The following ITPRID1 variants were observed in gnomAD, a reference collection of about 807,000 sequenced individuals.
The protein encoded by ITPRID1 is protein ITPRID1.
Under a neutral mutation model 95.4 loss-of-function variants are expected in ITPRID1, and 96 were observed. The observed-to-expected ratio is 1.01, with a 90% CI of 0.85 to 1.19. The LOEUF (loss-of-function observed/expected upper bound fraction) is 1.19, where lower values mean the gene tolerates loss of function less well. Among genes scored for constraint, ITPRID1 ranks in the 50% most tolerant of loss-of-function variants. The pLI, the probability that ITPRID1 is intolerant of heterozygous loss-of-function variation, is 0.00. For synonymous variants in ITPRID1, 510 were observed against 453.6 expected (o/e 1.12, Z -1.58); for missense variants, 1,339 against 1,252.9 (o/e 1.07, Z -1.04).
rs1184356497 is a variant in ITPRID1 at position 31,654,422 on chromosome 7, T to C, written c.*1593T>C. The stretch of plus-strand genomic sequence containing the variant: ...CCAAGTCTTTGCATCTGAATCCTTT[T>C]TCCAAGGGTAATGGAAAGCCACTGT... On this transcript the variant is annotated 3_prime_UTR_variant, in exon 15 of 15. Coordinates refer to ENST00000615280, the MANE Select transcript of ITPRID1 (RefSeq NM_001257967.3). 6.6e-6 allele frequency among the ~76,000 whole-genome samples: 1 copy of C among 152,174 alleles called. No homozygotes were observed. Among genetic ancestry groups the C allele is most frequent in the Non-Finnish European group, 1.5e-5 (1 of 68,038 alleles).
rs992180029 is a variant in ITPRID1, at chr7:31,617,992, A to T, written c.1229-24184A>T. On this transcript the variant is annotated intron_variant, in intron 10 of 14. Transcript: ENST00000615280. ...GCACACATATTGATTGTCATTAGAT[A>T]AACTGTTTATGCTGTCAGAGCGTTT... Among the ~76,000 whole-genome samples, 10 of 152,204 alleles carry T rather than the reference A, an allele frequency of 6.6e-5. No homozygotes were observed. The South Asian group carries it at 8.3e-4, about 13-fold the overall frequency.
rs760538337 is a variant in ITPRID1 at position 31,651,247 on chromosome 7, A to G, written c.2689A>G (p.Arg897Gly). The change falls in exon 13 of 15, where the codon AGG (arginine) becomes GGG (glycine). Residue 897 changes from arginine to glycine, a missense_variant. Coordinates refer to ENST00000615280, the MANE Select transcript of ITPRID1 (RefSeq NM_001257967.3). ...HLMGQQALFS[R>G]DMSEEEREEA... Reference sequence around the variant, plus strand: ...TATGGGACAGCAGGCCCTCTTTTCCAGGGACATGTCAGAGGAGGAAAGGTA... The same window carrying G: ...TATGGGACAGCAGGCCCTCTTTTCCGGGGACATGTCAGAGGAGGAAAGGTA... The G allele has an allele frequency of 6.2e-7, 1 of 1,613,348 alleles. No homozygotes were observed. The highest frequency in any genetic ancestry group is 8.5e-7 in the Non-Finnish European group (1 of 1,179,482).
chr7:31,550,696 T>G (rs950554778), intron 2 of ITPRID1, among the ~76,000 whole-genome samples: 2 of 144,842 alleles, frequency 1.4e-5, no homozygotes, highest in Non-Finnish European at 3.1e-5. Context: ...CCCTGACCCT[T>G]GCTTTTAGCA....
intron 1 of ITPRID1, among the ~76,000 whole-genome samples, chr7:31,515,106 T>A (rs1490247954): frequency 6.6e-6 from 1 of 151,984 alleles, no homozygotes; most frequent in Non-Finnish European, 1.5e-5. Flanking sequence ...CCAGACCATT[T>A]TCCTAACTCC....
intron 12 of ITPRID1, among the ~76,000 whole-genome samples, chr7:31,649,097 G>A (rs1289371730): frequency 6.6e-6 from 1 of 152,180 alleles, no homozygotes; most frequent in Non-Finnish European, 1.5e-5. Context: ...TTGCAAAATT[G>A]ATGCAAGAGC....
chr7:31,558,120 C>T (rs1784510614), intron 5 of ITPRID1, among the ~76,000 whole-genome samples: 1 of 146,126 alleles, frequency 6.8e-6, no homozygotes, highest in Non-Finnish European at 1.5e-5. Flanking sequence ...GGTTTGGTCC[C>T]CATTTTCTCT....
At chr7:31,552,285 A>G (rs890279112) in intron 2 of ITPRID1, among the ~76,000 whole-genome samples, 6 of 114,516 alleles carry the variant, frequency 5.2e-5, no homozygotes, top group Admixed American at 2.7e-4. Flanking sequence ...CTTGAGGTCC[A>G]GTGCCTGGTT....
At chr7:31,525,049 C>A (rs1783380549) in intron 1 of ITPRID1, among the ~76,000 whole-genome samples, 1 of 152,142 alleles carries the variant, frequency 6.6e-6, no homozygotes. Context: ...TTCACTATTA[C>A]ACATACAATC....
intron 8 of ITPRID1, among the ~76,000 whole-genome samples, chr7:31,576,451 T>C (rs1785186104): frequency 6.6e-6 from 1 of 152,220 alleles, no homozygotes; most frequent in Non-Finnish European, 1.5e-5. Context: ...AAAAACCTGC[T>C]TTGGATGGAT....
chr7:31,595,345 TACACACACACAC>T (rs58632355), intron 10 of ITPRID1, among the ~76,000 whole-genome samples: 11 of 147,054 alleles, frequency 7.5e-5, no homozygotes, highest in Non-Finnish European at 1.5e-4. Context: ...ATGCCCGGCC[TACACACACACAC>T]ACACACACAC....
chr7:31,555,076 AGGTGCTT>A, intron 5 of ITPRID1, 175 bp downstream of exon 5: 1 of 572,966 alleles, frequency 1.7e-6, no homozygotes, highest in Non-Finnish European at 3.1e-6. Flanking sequence ...CAAAAATGAT[AGGTGCTT>A]CCCCAGCAGC....
chr7:31,531,996 A>C (rs1032461711), intron 1 of ITPRID1, among the ~76,000 whole-genome samples: 1 of 152,194 alleles, frequency 6.6e-6, no homozygotes, highest in Non-Finnish European at 1.5e-5. Context: ...GTCAGGCCTA[A>C]AAATGGATGT....
chr7:31,620,468 G>GCAGA (rs1562618357), intron 10 of ITPRID1, among the ~76,000 whole-genome samples: 1 of 151,360 alleles, frequency 6.6e-6, no homozygotes, highest in Admixed American at 6.6e-5. Context: ...TACCTGTTCT[G>GCAGA]CAGACACCAC....
intron 5 of ITPRID1, among the ~76,000 whole-genome samples, chr7:31,558,978 A>C (rs1368189548): frequency 6.6e-6 from 1 of 152,228 alleles, no homozygotes; most frequent in African/African-American, 2.4e-5. Context: ...ATAGTAAGAA[A>C]GAAGTATAAA....
chr7:31,651,014 C>G, intron 12 of ITPRID1, 128 bp from the exon 13 acceptor site: 1 of 979,332 alleles, frequency 1.0e-6, no homozygotes, highest in South Asian at 1.8e-5. Flanking sequence ...ATTCCCTCCC[C>G]CTTATATTAG....
chr7:31,574,085 C>G (rs1245601072), intron 7 of ITPRID1, among the ~76,000 whole-genome samples: 2 of 152,006 alleles, frequency 1.3e-5, no homozygotes, highest in African/African-American at 4.8e-5. Flanking sequence ...ATGTCCTGGA[C>G]AGATCTGTGT....
At chr7:31,539,608 A>C (rs1783867385) in intron 1 of ITPRID1, among the ~76,000 whole-genome samples, 1 of 152,244 alleles carries the variant, frequency 6.6e-6, no homozygotes, top group South Asian at 2.1e-4. Context: ...TGTAAGAGTT[A>C]AAGAAAGTGG....
At chr7:31,620,327 G>A (rs1027546270) in intron 10 of ITPRID1, among the ~76,000 whole-genome samples, 1 of 152,042 alleles carries the variant, frequency 6.6e-6, no homozygotes, top group Non-Finnish European at 1.5e-5. Context: ...CCTGACCCCT[G>A]ACCCCTGAGC....
chr7:31,538,154 G>A (rs1783820635), intron 1 of ITPRID1, among the ~76,000 whole-genome samples: 1 of 151,994 alleles, frequency 6.6e-6, no homozygotes, highest in Admixed American at 6.6e-5. Flanking sequence ...TGGACATAAG[G>A]CTATACAATA....
Sources: allele counts gnomAD v4.1 joint callset (sites outside exome capture counted in the v4.1 genomes callset), GRCh38; gene constraint gnomAD v4.1.1; transcripts MANE v1.5; gene names NCBI Gene and HGNC (gene_info 2026-07-23, HGNC 2026-07-21).